OR10H1: variants seen among roughly 807,000 people sequenced by gnomAD.
OR10H1 encodes the protein olfactory receptor family 10 subfamily H member 1.
OR10H1 carries 12 observed loss-of-function variants against 13.1 expected under a neutral mutation model. The observed-to-expected ratio is 0.92, with a 90% CI of 0.59 to 1.48. The LOEUF is 1.48. Among genes scored for constraint, OR10H1 ranks in the 40% most tolerant of loss-of-function variants. The pLI is 0.00. For missense variants in OR10H1, 363 were observed against 413.1 expected, an observed-to-expected ratio of 0.88 and a Z score of 1.05; for synonymous variants, 168 against 175.6, an observed-to-expected ratio of 0.96 and a Z score of 0.34.
intron 3 of OR10H1, 49 bp downstream of exon 3, chr19:15,808,676 C>T (rs2088916997): frequency 6.6e-6 from 1 of 152,342 alleles, no homozygotes; most frequent in Admixed American, 6.6e-5. Context: ...ATGGTGAAAC[C>T]CCATCTCTAC....
intron 2 of OR10H1, among the ~76,000 whole-genome samples, chr19:15,810,898 T>TA (rs60563959): frequency 0.41 from 61,092 of 150,722 alleles, 13,509 homozygotes; most frequent in African/African-American, 0.57. Context: ...TAAAATAAAA[T>TA]AAAAATAAAG....
At chr19:15,812,079 G>T (rs2088935297) in intron 2 of OR10H1, among the ~76,000 whole-genome samples, 151 bp downstream of exon 2, 1 of 152,170 alleles carries the variant, frequency 6.6e-6, no homozygotes, top group African/African-American at 2.4e-5. Flanking sequence ...GAAGTCATCT[G>T]CTCTGATCCC....
At chr19:15,808,478 A>G (rs10417639) in intron 3 of OR10H1, among the ~76,000 whole-genome samples, 127,966 of 152,158 alleles carry the variant, frequency 0.84, 54,604 homozygotes, top group Middle Eastern at 0.9. Context: ...CTTGAGCCCA[A>G]GAGTTTGAGG....
Position 15,809,333 on chromosome 19 carries a change from C to T in OR10H1, c.-128-492G>A, listed in dbSNP as rs528747851. On this transcript the variant is annotated intron_variant, in intron 2 of 3. Coordinates refer to ENST00000641419, the MANE Select transcript of OR10H1 (RefSeq NM_013940.4). ...AGAGACAGAGTTTCATTCTGTTCCC[C>T]AGACTGGAGTGCAATGGTGCAATCA... 2.0e-5 allele frequency among the ~76,000 whole-genome samples: 3 copies of T among 151,948 alleles called. No individual in the cohort carries two copies. In the East Asian group the frequency reaches 5.8e-4, roughly 29 times the overall value.
rs578208094 is a variant in OR10H1 at position 15,806,518 on chromosome 19, A to T, written c.*563T>A. The T allele has an allele frequency of 3.7e-4, 58 of 154,990 alleles. No homozygotes were observed. Among genetic ancestry groups the T allele is most frequent in the African/African-American group, 1.2e-3 (49 of 41,574 alleles). The allele number at this position is 154,990 out of a possible 1,614,324, so 9.6% of individuals were successfully genotyped here. On this transcript the variant is annotated 3_prime_UTR_variant, in exon 4 of 4. Transcript: ENST00000641419. ...ACTTCTGGACTTAGGCAGTAATCCC[A>T]GTTCAGTCTCCCAGGTAGCTGGGAC...
In OR10H1 at chr19:15,806,018, A is replaced by C. The variant is rs1161910935; in HGVS notation, c.*1063T>G. Reference sequence around the variant, plus strand: ...ATAGATCTGTGCAATGCTGAAATTTAGGGTACTTTTCTCTCCTCTGCTATA... The same window carrying C: ...ATAGATCTGTGCAATGCTGAAATTTCGGGTACTTTTCTCTCCTCTGCTATA... On this transcript the variant is annotated 3_prime_UTR_variant, in exon 4 of 4. Coordinates refer to ENST00000641419, the MANE Select transcript of OR10H1 (RefSeq NM_013940.4). The C allele has an allele frequency of 2.0e-5, 3 of 152,184 alleles. No homozygotes were observed. Among genetic ancestry groups the C allele is most frequent in the African/African-American group, 7.2e-5 (3 of 41,448 alleles). 9.4% of individuals were successfully genotyped at this position (152,184 alleles called of 1,614,324 possible).
chr19:15,807,314 A>G lies in OR10H1; in HGVS notation c.724T>C (p.Cys242Arg). 6.2e-7 allele frequency: 1 copy of G among 1,613,930 alleles called. No homozygotes were observed. The highest frequency in any genetic ancestry group is 2.2e-5 in the East Asian group (1 of 44,876). The change falls in exon 4 of 4, where the codon TGT becomes CGT. Residue 242 changes from cysteine to arginine, a missense_variant. Physicochemically the swap from Cys to Arg is radical, Grantham distance 180 (BLOSUM62 -3). Around this residue, in one of 3 missense-constraint regions of OR10H1, gnomAD observed 318 missense variants for 366.6 expected, o/e 0.87. Coordinates refer to ENST00000641419, the MANE Select transcript of OR10H1 (RefSeq NM_013940.4). ...AEGRNKAFST[C>R]ASHLTVVVVH... is the part of the protein sequence containing the mutation. ...ACCACCACAGTGAGGTGAGAGGCAC[A>G]GGTGGAGAAGGCCTTGTTCCGACCT...
chr19:15,811,903 A>C (rs1203941055), intron 2 of OR10H1, among the ~76,000 whole-genome samples: 1 of 152,098 alleles, frequency 6.6e-6, no homozygotes, highest in Non-Finnish European at 1.5e-5. Flanking sequence ...CTGGAACCTG[A>C]TTGTGAATCC....
At chr19:15,811,070 C>G (rs190772536) in intron 2 of OR10H1, among the ~76,000 whole-genome samples, 5 of 152,186 alleles carry the variant, frequency 3.3e-5, no homozygotes, top group African/African-American at 1.2e-4. Flanking sequence ...AGAACCAGCT[C>G]CTTTGGTGAG....
rs906205026 is a variant in OR10H1, at chr19:15,808,738, T to C, written c.-25A>G. On this transcript the variant is annotated 5_prime_UTR_variant, in exon 3 of 4. Transcript: ENST00000641419. ...GGTGGCACGCACCTGTAGTCCCAGC[T>C]CTTCGGGAGGCAGAGACAGGAGAAT... is the stretch of plus-strand genomic sequence containing the variant. 2.0e-5 allele frequency: 3 copies of C among 151,996 alleles called. No homozygotes were observed. The highest frequency in any genetic ancestry group is 7.3e-5 in the African/African-American group (3 of 41,360). The allele number at this position is 151,996 out of a possible 1,614,324, so 9.4% of individuals were successfully genotyped here.
In OR10H1 at chr19:15,807,674, G is replaced by A. The variant is rs140117949; in HGVS notation, c.364C>T (p.Arg122Cys). The part of the protein sequence containing the change: ...SFLLTVMGYD[R>C]YVAICHPLRY... The stretch of plus-strand genomic sequence containing the variant: ...AGGGGGTGGCAGATGGCCACGTAGC[G>A]GTCGTAGCCCATGACGGTGAGCAGG... Residue 122 changes from arginine to cysteine, a missense_variant, in exon 4 of 4, where the codon CGC becomes TGC. Coordinates refer to ENST00000641419, the MANE Select transcript of OR10H1 (RefSeq NM_013940.4). 8.2e-5 allele frequency: 132 copies of A among 1,614,038 alleles called. No homozygotes were observed. In the East Asian group the frequency reaches 1.8e-3, roughly 22 times the overall value.
intron 1 of OR10H1, among the ~76,000 whole-genome samples, chr19:15,814,677 T>C (rs2088957020): frequency 6.6e-6 from 1 of 152,118 alleles, no homozygotes; most frequent in Non-Finnish European, 1.5e-5. Context: ...CCAATTTTTG[T>C]ATTTTTTTGT....
In OR10H1 at chr19:15,808,063, G is replaced by A. The variant is rs2088913685; in HGVS notation, c.-11-15C>T. 2 of 1,583,554 alleles carry A rather than the reference G, an allele frequency of 1.3e-6. No individual in the cohort carries two copies. Among genetic ancestry groups the A allele is most frequent in the Middle Eastern group, 1.7e-4 (1 of 5,970 alleles). On this transcript the variant is annotated splice_polypyrimidine_tract_variant and intron_variant, in intron 3 of 3. Coordinates refer to ENST00000641419, the MANE Select transcript of OR10H1 (RefSeq NM_013940.4). ...GGAGGCTGTGCCTGGGGTGAGATGT[G>A]ACAGGGAGATGTCAGTTACTGCATG...
rs766039458 is a variant in OR10H1, at chr19:15,805,749, T to TGAG, written c.*1329_*1331dup. The TGAG allele has an allele frequency of 3.4e-4, 51 of 150,812 alleles. 1 individual carries two copies. The highest frequency in any genetic ancestry group is 1.3e-3 in the Admixed American group (19 of 15,136). The allele number at this position is 150,812 out of a possible 1,614,324, so 9.3% of individuals were successfully genotyped here. A position where few individuals can be genotyped will look rare whatever the true frequency, so the allele number is the denominator to read the frequency against. On this transcript the variant is annotated 3_prime_UTR_variant, in exon 4 of 4. Transcript: ENST00000641419. Reference sequence around the variant, plus strand: ...AGGCATGAGCCACTGCGCCTGGCCATGAGATAAACTCATCCTGGGGTCTAC... The same window carrying TGAG: ...AGGCATGAGCCACTGCGCCTGGCCATGAGGAGATAAACTCATCCTGGGGTCTAC...
rs1369185729 is a variant in OR10H1 at position 15,807,842 on chromosome 19, G to A, written c.196C>T (p.Leu66Phe). 3 of 1,608,952 alleles carry A rather than the reference G, an allele frequency of 1.9e-6. No homozygotes were observed. The highest frequency in any genetic ancestry group is 2.6e-6 in the Non-Finnish European group (3 of 1,175,922). The stretch of plus-strand genomic sequence containing the variant: ...GTGTAGAGGATCTCGGAGACGGAGA[G>A]GGCGCACAGGAAGAGGTACATGGGC... Reference protein sequence around the residue: ...HTPMYLFLCALSVSEILYTVA... With the variant: ...HTPMYLFLCAFSVSEILYTVA... The change falls in exon 4 of 4, where the codon CTC (leucine) becomes TTC (phenylalanine). Residue 66 changes from leucine to phenylalanine, a missense_variant. Leu to Phe is a conservative substitution (Grantham distance 22). Coordinates refer to ENST00000641419, the MANE Select transcript of OR10H1 (RefSeq NM_013940.4).
At chr19:15,812,168 G>C (rs1265629592) in intron 2 of OR10H1, 62 bp downstream of exon 2, 1 of 152,264 alleles carries the variant, frequency 6.6e-6, no homozygotes, top group Non-Finnish European at 1.5e-5. Context: ...GGGGCCCAGG[G>C]TCTGAGCTTA....
At chr19:15,808,639 C>A (rs1193799655) in intron 3 of OR10H1, 86 bp downstream of exon 3, 1 of 152,772 alleles carries the variant, frequency 6.5e-6, no homozygotes, top group African/African-American at 2.4e-5. Flanking sequence ...ATCACGAGGT[C>A]AAGAGATGGA....
chr19:15,811,798 C>T (rs1252645412), intron 2 of OR10H1, among the ~76,000 whole-genome samples: 1 of 152,164 alleles, frequency 6.6e-6, no homozygotes, highest in African/African-American at 2.4e-5. Flanking sequence ...GTTCAATTCT[C>T]GCTCTGTGCC....
In OR10H1 at chr19:15,813,474, AAGAGAGAGAG is replaced by A. The variant is rs57320070; in HGVS notation, c.-777-606_-777-597del. On this transcript the variant is annotated intron_variant, in intron 1 of 3. Transcript: ENST00000641419. ...ATGGGGATAGAGAGAGAGGCAGGGG[AAGAGAGAGAG>A]AGAGAGAGAGAGAGAGGAGGCGAGG... Among the ~76,000 whole-genome samples the A allele has an allele frequency of 4.9e-3, 679 of 138,960 alleles. 6 individuals carry two copies. The highest frequency in any genetic ancestry group is 0.017 in the African/African-American group (633 of 36,348). The allele number at this position is 138,960 out of a possible 152,430, so 91.2% of individuals were successfully genotyped here.
Sources: gnomAD v4.1 joint callset for allele counts (sites outside exome capture counted in the v4.1 genomes callset) on GRCh38, gnomAD v4.1.1 for gene constraint, gnomAD v4.1.1 regional missense constraint, MANE v1.5 for transcripts, NCBI Gene and HGNC (gene_info 2026-07-23, HGNC 2026-07-21) for gene names.